UMAD1: variants seen among roughly 807,000 people sequenced by gnomAD.
The protein encoded by UMAD1 is UBAP1-MVB12-associated (UMA) domain containing 1, also known as UBAP1-MVB12-associated (UMA)-domain containing protein 1.
In UMAD1, 8 loss-of-function variants were observed where a neutral mutation model predicts 6.1. That is an observed-to-expected ratio of 1.30 (90% CI 0.76 to 2.35). The LOEUF is 2.35. UMAD1 is among the 30% of genes most tolerant of loss of function. UMAD1 has a pLI of 0.00. For missense variants in UMAD1, 130 were observed against 78.4 expected, an observed-to-expected ratio of 1.66 and a Z score of -2.49; for synonymous variants, 56 against 31.4, an observed-to-expected ratio of 1.78 and a Z score of -2.61.
intron 2 of UMAD1, among the ~76,000 whole-genome samples, chr7:7,716,725 C>T (rs950331897): frequency 6.6e-6 from 1 of 152,180 alleles, no homozygotes. Flanking sequence ...GCAGGCGGAT[C>T]ACGAGGTCAG....
At chr7:7,813,186 C>T (rs1389373579) in intron 3 of UMAD1, among the ~76,000 whole-genome samples, 2 of 151,916 alleles carry the variant, frequency 1.3e-5, no homozygotes, top group African/African-American at 4.8e-5. Flanking sequence ...TAGCCAGCCC[C>T]ATTCCTTACT....
At chr7:7,643,490 C>G (rs1219325800) in intron 1 of UMAD1, among the ~76,000 whole-genome samples, 1 of 152,188 alleles carries the variant, frequency 6.6e-6, no homozygotes. Context: ...GCGGGTGGAT[C>G]ACCTCAGATC....
chr7:7,658,830 A>G (rs1314448731), intron 1 of UMAD1, among the ~76,000 whole-genome samples: 1 of 152,214 alleles, frequency 6.6e-6, no homozygotes, highest in Non-Finnish European at 1.5e-5. Flanking sequence ...AAAATGAGTT[A>G]GGGAGGAGCC....
At chr7:7,695,225 G>C (rs1398882340) in intron 2 of UMAD1, among the ~76,000 whole-genome samples, 1 of 152,128 alleles carries the variant, frequency 6.6e-6, no homozygotes, top group Non-Finnish European at 1.5e-5. Flanking sequence ...GAAAATCACT[G>C]TTGCTGCCAA....
intron 3 of UMAD1, among the ~76,000 whole-genome samples, chr7:7,846,040 A>T (rs1249199187): frequency 6.6e-6 from 1 of 152,156 alleles, no homozygotes; most frequent in East Asian, 1.9e-4. Flanking sequence ...ACTCAATCAT[A>T]GTAAAGTAAT....
At chr7:7,785,907 TTATC>T (rs1782452780) in intron 2 of UMAD1, among the ~76,000 whole-genome samples, 1 of 152,238 alleles carries the variant, frequency 6.6e-6, no homozygotes, top group Non-Finnish European at 1.5e-5. Context: ...ATCAATATAT[TTATC>T]TGTGTACCTA....
intron 3 of UMAD1, among the ~76,000 whole-genome samples, chr7:7,826,300 TTTTCTC>T (rs1461410254): frequency 6.6e-6 from 1 of 152,102 alleles, no homozygotes; most frequent in East Asian, 1.9e-4. Context: ...TTCCTCAACT[TTTTCTC>T]TTTCTGCATC....
chr7:7,860,604 C>CAAAAAAAAAAAAA (rs373823869), intron 3 of UMAD1, among the ~76,000 whole-genome samples: 1 of 93,842 alleles, frequency 1.1e-5, no homozygotes, highest in Non-Finnish European at 2.1e-5. Context: ...ACTAAAAATA[C>CAAAAAAAAAAAAA]AAAAAAAAAA....
intron 2 of UMAD1, chr7:7,676,105 C>G (rs539325720): frequency 5.5e-5 from 22 of 398,696 alleles, no homozygotes; most frequent in African/African-American, 3.9e-4. Context: ...TCCGCAGAAG[C>G]ATCTCAGAGG....
chr7:7,816,534 A>G (rs1583847081), intron 3 of UMAD1, among the ~76,000 whole-genome samples: 1 of 152,222 alleles, frequency 6.6e-6, no homozygotes. Flanking sequence ...CTTGGGATAT[A>G]TGCCACCAGT....
rs149314641 is a variant in UMAD1, at chr7:7,726,489, C to T, written c.82+53036C>T. On this transcript the variant is annotated intron_variant, in intron 2 of 3. Coordinates refer to ENST00000682710, the MANE Select transcript of UMAD1 (RefSeq NM_001302348.2). ...AGGTGACAACACTTTACAGGGCTGA[C>T]GCAAAGTTCTCCAGAAGGCCGTGTA... Among the ~76,000 whole-genome samples the T allele has an allele frequency of 7.1e-3, 1,077 of 152,276 alleles. 5 individuals carry two copies. Among genetic ancestry groups the T allele is most frequent in the Middle Eastern group, 0.027 (8 of 294 alleles).
intron 3 of UMAD1, among the ~76,000 whole-genome samples, chr7:7,854,424 C>T (rs1783976315): frequency 6.6e-6 from 1 of 150,618 alleles, no homozygotes; most frequent in Admixed American, 6.6e-5. Flanking sequence ...GCTGAGGAGG[C>T]CTCAGAAAAC....
At chr7:7,657,481 A>G (rs1583700726) in intron 1 of UMAD1, among the ~76,000 whole-genome samples, 1 of 152,234 alleles carries the variant, frequency 6.6e-6, no homozygotes, top group Non-Finnish European at 1.5e-5. Flanking sequence ...TCTTGAGTTA[A>G]TTTTTGTATA....
intron 2 of UMAD1, among the ~76,000 whole-genome samples, chr7:7,691,622 A>G (rs1004537493): frequency 6.6e-5 from 10 of 152,356 alleles, no homozygotes; most frequent in African/African-American, 2.4e-4. Context: ...TAGATTCTCT[A>G]TCCAGTGACT....
chr7:7,694,347 G>A (rs752886450), intron 2 of UMAD1, among the ~76,000 whole-genome samples: 2 of 152,008 alleles, frequency 1.3e-5, no homozygotes, highest in African/African-American at 2.4e-5. Flanking sequence ...TATCCATCAC[G>A]TCAAGCATTT....
chr7:7,740,128 A>G (rs1781433994), intron 2 of UMAD1, among the ~76,000 whole-genome samples: 1 of 152,240 alleles, frequency 6.6e-6, no homozygotes, highest in South Asian at 2.1e-4. Flanking sequence ...CTGGGCAGCA[A>G]GCTATCACTT....
At chr7:7,703,759 G>A (rs1780525580) in intron 2 of UMAD1, among the ~76,000 whole-genome samples, 2 of 152,140 alleles carry the variant, frequency 1.3e-5, no homozygotes, top group African/African-American at 4.8e-5. Flanking sequence ...GGGCAACGTG[G>A]CGAAACCCCG....
intron 2 of UMAD1, among the ~76,000 whole-genome samples, chr7:7,696,497 T>C (rs1390738346): frequency 2.0e-5 from 3 of 152,178 alleles, no homozygotes; most frequent in African/African-American, 7.2e-5. Context: ...TAACCTGTTA[T>C]ATGAATTTAG....
chr7:7,696,787 G>A (rs1780329613), intron 2 of UMAD1, among the ~76,000 whole-genome samples: 1 of 151,980 alleles, frequency 6.6e-6, no homozygotes, highest in East Asian at 1.9e-4. Context: ...CTATAGGTAG[G>A]GCCCTGTGAA....
Sources: allele counts gnomAD v4.1 joint callset (sites outside exome capture counted in the v4.1 genomes callset), GRCh38; gene constraint gnomAD v4.1.1; transcripts MANE v1.5; gene names NCBI Gene and HGNC (gene_info 2026-07-23, HGNC 2026-07-21).